The following HDAC9 variants were observed in gnomAD, a reference collection of about 807,000 sequenced individuals.
HDAC9 encodes MEF-2 interacting transcription repressor (MITR) protein.
Under a neutral mutation model 139.4 loss-of-function variants are expected in HDAC9, and 41 were observed. That is an observed-to-expected ratio of 0.29 (90% CI 0.23 to 0.38). HDAC9 has a LOEUF of 0.38. HDAC9 is among the 10% of genes least tolerant of loss of function. The pLI, the probability that HDAC9 is intolerant of heterozygous loss-of-function variation, is 1.00. For missense variants in HDAC9, 1,147 were observed against 1,297.0 expected, an observed-to-expected ratio of 0.88 and a Z score of 1.78; for synonymous variants, 517 against 476.2, an observed-to-expected ratio of 1.09 and a Z score of -1.12.
intron 1 of HDAC9, among the ~76,000 whole-genome samples, chr7:18,098,042 G>T (rs757253954): frequency 2.6e-5 from 4 of 151,984 alleles, no homozygotes; most frequent in Non-Finnish European, 5.9e-5. Context: ...TGCTTATCTT[G>T]CCCTTTTACC....
At chr7:18,118,251 A>G (rs1011862924) in intron 1 of HDAC9, among the ~76,000 whole-genome samples, 4 of 152,196 alleles carry the variant, frequency 2.6e-5, no homozygotes, top group Non-Finnish European at 5.9e-5. Flanking sequence ...TTGTTCCTTC[A>G]GAGACTTGAA....
intron 2 of HDAC9, among the ~76,000 whole-genome samples, chr7:18,241,393 A>G (rs1165978243): frequency 1.3e-5 from 2 of 151,992 alleles, no homozygotes; most frequent in Non-Finnish European, 2.9e-5. Flanking sequence ...TTCTCTTTCC[A>G]TTATTGGGAG....
intron 25 of HDAC9, among the ~76,000 whole-genome samples, chr7:18,989,787 G>A (rs533257936): frequency 5.8e-5 from 5 of 86,866 alleles, no homozygotes; most frequent in East Asian, 6.1e-4. Context: ...TTCCCTTCTC[G>A]CTTCATTTCA....
At chr7:18,402,225 C>T (rs918747929) in intron 1 of HDAC9, among the ~76,000 whole-genome samples, 1 of 152,076 alleles carries the variant, frequency 6.6e-6, no homozygotes, top group Non-Finnish European at 1.5e-5. Context: ...GACGGGTTAA[C>T]AGATATATCA....
At chr7:18,922,763 T>A (rs1211772069) in intron 22 of HDAC9, among the ~76,000 whole-genome samples, 1 of 152,110 alleles carries the variant, frequency 6.6e-6, no homozygotes, top group African/African-American at 2.4e-5. Flanking sequence ...CTAATATCAT[T>A]TGAAATTATT....
At chr7:18,911,537 TCTTTAC>T (rs1287796262) in intron 22 of HDAC9, among the ~76,000 whole-genome samples, 1 of 151,932 alleles carries the variant, frequency 6.6e-6, no homozygotes, top group Admixed American at 6.6e-5. Flanking sequence ...AAACATTATT[TCTTTAC>T]CTTTACTAAT....
intron 1 of HDAC9, among the ~76,000 whole-genome samples, chr7:18,110,267 G>T (rs569990754): frequency 1.3e-5 from 2 of 152,290 alleles, no homozygotes; most frequent in African/African-American, 4.8e-5. Context: ...ATTTTGGGCA[G>T]AAGTTCATAG....
At chr7:18,661,585 T>G (rs887976036) in intron 11 of HDAC9, among the ~76,000 whole-genome samples, 4 of 152,130 alleles carry the variant, frequency 2.6e-5, no homozygotes, top group East Asian at 3.9e-4. Context: ...TTGTCTTTTT[T>G]GGGCATGAGA....
intron 1 of HDAC9, among the ~76,000 whole-genome samples, chr7:18,332,376 TG>T (rs879564501): frequency 1.6e-4 from 24 of 148,666 alleles, no homozygotes; most frequent in Non-Finnish European, 3.0e-4. Context: ...TGTGTGTGTG[TG>T]TGTGTGTGTG....
intron 1 of HDAC9, among the ~76,000 whole-genome samples, chr7:18,310,647 A>G (rs1421590477): frequency 6.6e-6 from 1 of 152,206 alleles, no homozygotes; most frequent in Non-Finnish European, 1.5e-5. Flanking sequence ...TCCCTTGTCC[A>G]GTGATTGAAT....
At chr7:18,227,562 A>G (rs555254384) in intron 2 of HDAC9, among the ~76,000 whole-genome samples, 1 of 152,258 alleles carries the variant, frequency 6.6e-6, no homozygotes, top group African/African-American at 2.4e-5. Flanking sequence ...ATAATTTGTT[A>G]TCAACATTCT....
In HDAC9 at chr7:18,932,242, C is replaced by T. The variant is rs140359483; in HGVS notation, c.2804-3567C>T. Reference sequence around the variant, plus strand: ...AAAAATGAAATGTTCTACTGAAACACGTGTTTTCATTTATTTTTATTTACC... The same window carrying T: ...AAAAATGAAATGTTCTACTGAAACATGTGTTTTCATTTATTTTTATTTACC... On this transcript the variant is annotated intron_variant, in intron 22 of 25. Coordinates refer to ENST00000686413, the MANE Select transcript of HDAC9 (RefSeq NM_178425.4). 2.2e-3 allele frequency among the ~76,000 whole-genome samples: 336 copies of T among 152,138 alleles called. 3 individuals are homozygous for T. Among genetic ancestry groups the T allele is most frequent in the Non-Finnish European group, 8.5e-4 (58 of 67,972 alleles).
At chr7:18,527,861 T>G in intron 2 of HDAC9, among the ~76,000 whole-genome samples, 1 of 152,152 alleles carries the variant, frequency 6.6e-6, no homozygotes, top group Non-Finnish European at 1.5e-5. Context: ...GGAGACAGTT[T>G]ACAGTTTACA....
chr7:18,885,444 G>C (rs10253444), intron 22 of HDAC9, among the ~76,000 whole-genome samples: 1 of 151,934 alleles, frequency 6.6e-6, no homozygotes, highest in Non-Finnish European at 1.5e-5. Context: ...TAGTACCTTT[G>C]TGTATTTTTT....
intron 2 of HDAC9, among the ~76,000 whole-genome samples, chr7:18,558,086 A>C (rs1819436668): frequency 6.6e-6 from 1 of 152,144 alleles, no homozygotes; most frequent in African/African-American, 2.4e-5. Flanking sequence ...CCCAAACAAG[A>C]CAGGGCTAAT....
chr7:18,117,506 A>C, intron 1 of HDAC9, among the ~76,000 whole-genome samples: 1 of 91,506 alleles, frequency 1.1e-5, no homozygotes, highest in Non-Finnish European at 2.5e-5. Context: ...ATAAAAAATT[A>C]AAAAAAAAAA....
At chr7:18,517,852 T>C (rs1803744053) in intron 2 of HDAC9, 1 of 152,212 alleles carries the variant, frequency 6.6e-6, no homozygotes, top group Non-Finnish European at 1.5e-5. Flanking sequence ...TTTCACATGC[T>C]AAGAAACTCC....
In HDAC9 at chr7:18,196,153, C is replaced by T. The variant is rs551324756; in HGVS notation, c.25+33804C>T. Among the ~76,000 whole-genome samples the T allele has an allele frequency of 5.9e-5, 9 of 152,240 alleles. No homozygotes were observed. The South Asian group carries it at 1.9e-3, about 32-fold the overall frequency. On this transcript the variant is annotated intron_variant, in intron 2 of 12. Transcript: ENST00000417496. ...ATATATCCATTGCCTTGCACAGTGCCTGGCACATACAGATTCAAAGCTTTT... is the reference window on the plus strand; with the variant it reads ...ATATATCCATTGCCTTGCACAGTGCTTGGCACATACAGATTCAAAGCTTTT...
intron 1 of HDAC9, among the ~76,000 whole-genome samples, chr7:18,490,704 A>G (rs948247837): frequency 6.6e-6 from 1 of 152,024 alleles, no homozygotes; most frequent in Non-Finnish European, 1.5e-5. Flanking sequence ...AGTACACTGT[A>G]CTTTCCCCTC....
Sources: allele counts gnomAD v4.1 joint callset (sites outside exome capture counted in the v4.1 genomes callset), GRCh38; gene constraint gnomAD v4.1.1; transcripts MANE v1.5; gene names NCBI Gene and HGNC (gene_info 2026-07-23, HGNC 2026-07-21).